XXYLT1: variants seen among roughly 807,000 people sequenced by gnomAD.
XXYLT1 encodes UDP-xylose:alpha-xyloside alpha-1,3-xylosyltransferase.
XXYLT1 carries 20 observed loss-of-function variants against 28.9 expected under a neutral mutation model. That is an observed-to-expected ratio of 0.69 (90% CI 0.49 to 1.00). The LOEUF (loss-of-function observed/expected upper bound fraction) is 1.00, where lower values mean the gene tolerates loss of function less well. XXYLT1 is among the 50% of genes least tolerant of loss of function. The pLI is 0.00. For missense variants in XXYLT1, 542 were observed against 560.1 expected, an observed-to-expected ratio of 0.97 and a Z score of 0.33; for synonymous variants, 257 against 253.8, an observed-to-expected ratio of 1.01 and a Z score of -0.12.
At chr3:195,258,155 G>A (rs1725547563) in intron 1 of XXYLT1, among the ~76,000 whole-genome samples, 1 of 152,190 alleles carries the variant, frequency 6.6e-6, no homozygotes, top group Non-Finnish European at 1.5e-5. Context: ...ATCCTGGGCT[G>A]CTGTGATGCT....
At chr3:195,238,142 G>C (rs531123079) in intron 1 of XXYLT1, among the ~76,000 whole-genome samples, 2 of 152,092 alleles carry the variant, frequency 1.3e-5, no homozygotes, top group Non-Finnish European at 2.9e-5. Flanking sequence ...TTCTGGCCCC[G>C]TCCCCCGACC....
At chr3:195,217,917 T>C (rs1354500629) in intron 2 of XXYLT1, among the ~76,000 whole-genome samples, 3 of 147,024 alleles carry the variant, frequency 2.0e-5, no homozygotes, top group Non-Finnish European at 4.5e-5. Context: ...CAAACTATAT[T>C]ACAAGGCTAC....
At chr3:195,207,342 G>A (rs2108773716) in intron 2 of XXYLT1, 1 of 385,232 alleles carries the variant, frequency 2.6e-6, no homozygotes, top group East Asian at 7.4e-5. Flanking sequence ...GAGGGCTCCA[G>A]GAAACAGCCA....
At chr3:195,089,322 G>C (rs1434701836) in intron 3 of XXYLT1, among the ~76,000 whole-genome samples, 1 of 152,162 alleles carries the variant, frequency 6.6e-6, no homozygotes, top group Non-Finnish European at 1.5e-5. Flanking sequence ...ACTAACAGTG[G>C]ATCTCTCGGC....
intron 3 of XXYLT1, among the ~76,000 whole-genome samples, chr3:195,087,840 C>T (rs1047670702): frequency 7.9e-5 from 12 of 151,916 alleles, no homozygotes; most frequent in East Asian, 1.9e-4. Flanking sequence ...GTGCGCGAGC[C>T]GAAGCAGGGC....
chr3:195,085,066 C>G lies in XXYLT1; in HGVS notation c.786-14955G>C, dbSNP rs188077294. 5.9e-5 allele frequency among the ~76,000 whole-genome samples: 9 copies of G among 152,324 alleles called. No homozygotes were observed. The Middle Eastern group carries it at 0.01, about 173-fold the overall frequency. On this transcript the variant is annotated intron_variant, in intron 3 of 3. Coordinates refer to ENST00000310380, the MANE Select transcript of XXYLT1 (RefSeq NM_152531.5). ...CGCAGAGTCTTCACGTGGACGTAAC[C>G]TTCTCCCAAGCAAGGATGACCCCCA... is the stretch of plus-strand genomic sequence containing the variant.
At chr3:195,072,500 G>A (rs1714882332) in intron 3 of XXYLT1, among the ~76,000 whole-genome samples, 1 of 152,198 alleles carries the variant, frequency 6.6e-6, no homozygotes, top group South Asian at 2.1e-4. Flanking sequence ...CAGGCAGAGA[G>A]AAGAGGACAG....
chr3:195,204,468 A>ACTCACTCTCTCTCTCTCT (rs1722985273), intron 2 of XXYLT1, among the ~76,000 whole-genome samples: 1 of 114,754 alleles, frequency 8.7e-6, no homozygotes, highest in African/African-American at 3.8e-5. Flanking sequence ...ACACACACTC[A>ACTCACTCTCTCTCTCTCT]CTCTCTCACT....
intron 3 of XXYLT1, among the ~76,000 whole-genome samples, chr3:195,084,818 G>A (rs1188763651): frequency 6.6e-6 from 1 of 152,150 alleles, no homozygotes; most frequent in African/African-American, 2.4e-5. Flanking sequence ...GAATCACACA[G>A]ACACCCTCAT....
chr3:195,090,123 CAG>C (rs1265444935), intron 3 of XXYLT1, among the ~76,000 whole-genome samples: 1 of 151,644 alleles, frequency 6.6e-6, no homozygotes, highest in Admixed American at 6.6e-5. Flanking sequence ...ATCAAGGAGA[CAG>C]AAAGTCAACA....
At chr3:195,144,188 C>T (rs1314112952) in intron 3 of XXYLT1, among the ~76,000 whole-genome samples, 1 of 150,496 alleles carries the variant, frequency 6.6e-6, no homozygotes, top group East Asian at 2.1e-4. Flanking sequence ...GCCACCGTGC[C>T]TGGCCAACCG....
intron 3 of XXYLT1, among the ~76,000 whole-genome samples, chr3:195,102,500 T>C (rs946766870): frequency 1.3e-5 from 2 of 152,184 alleles, no homozygotes; most frequent in African/African-American, 4.8e-5. Flanking sequence ...ATTCAGCTTT[T>C]CCTCTTTTTA....
chr3:195,082,026 G>A (rs1000998630), intron 3 of XXYLT1, among the ~76,000 whole-genome samples: 23 of 152,222 alleles, frequency 1.5e-4, no homozygotes, highest in African/African-American at 5.1e-4. Context: ...GATTGATGAT[G>A]TCTCTTTAAC....
chr3:195,077,619 G>T lies in XXYLT1; in HGVS notation c.786-7508C>A, dbSNP rs888942443. On this transcript the variant is annotated intron_variant, in intron 3 of 3. Transcript: ENST00000310380. This position sits in a 1 kb window ranked among gnomAD's most constrained non-coding sequence, Gnocchi z 4.8. ...CCAGCTATGACCAGCCCATCTCTGTGGGGCCCTGTAAAGCGCGGCCTGGGG... is the reference window on the plus strand; with the variant it reads ...CCAGCTATGACCAGCCCATCTCTGTTGGGCCCTGTAAAGCGCGGCCTGGGG... 1.3e-5 allele frequency among the ~76,000 whole-genome samples: 2 copies of T among 152,226 alleles called. No individual in the cohort carries two copies. Among genetic ancestry groups the T allele is most frequent in the African/African-American group, 2.4e-5 (1 of 41,466 alleles).
chr3:195,078,738 A>G lies in XXYLT1; in HGVS notation c.786-8627T>C, dbSNP rs1353222. On this transcript the variant is annotated intron_variant, in intron 3 of 3. Transcript: ENST00000310380. The surrounding 1 kb of genome is among the most constrained non-coding windows in gnomAD (Gnocchi z 5.0). ...CTCCCCAGTCCCCAGGGCTGCACACAGCCCCCCACACTTCCAGAGCTGTCC... is the reference window on the plus strand; with the variant it reads ...CTCCCCAGTCCCCAGGGCTGCACACGGCCCCCCACACTTCCAGAGCTGTCC... Among the ~76,000 whole-genome samples, 72,391 of 151,812 alleles carry G rather than the reference A, an allele frequency of 0.48. 20,733 individuals are homozygous for G. The highest frequency in any genetic ancestry group is 0.96 in the East Asian group (4,957 of 5,158).
chr3:195,253,493 CTTTTTTTTTCTTTTTTTTT>C (rs1553832615), intron 1 of XXYLT1, among the ~76,000 whole-genome samples: 1 of 143,976 alleles, frequency 6.9e-6, no homozygotes, highest in African/African-American at 2.6e-5. Flanking sequence ...GCTCACATTT[CTTTTTTTTTCTTTTTTTTT>C]TTTTTTTTTG....
Position 195,075,864 on chromosome 3 carries a change from C to T in XXYLT1, c.786-5753G>A, listed in dbSNP as rs542973444. Among the ~76,000 whole-genome samples, 67 of 152,334 alleles carry T rather than the reference C, an allele frequency of 4.4e-4. 1 individual carries two copies. The highest frequency in any genetic ancestry group is 1.2e-3 in the South Asian group (6 of 4,832). ...GGAAGGGGCAAGCGAGGTCGAGGCG[C>T]GGCTGTTGCTTTGCAGGCTGAGTGG... On this transcript the variant is annotated intron_variant, in intron 3 of 3. Transcript: ENST00000310380.
At chr3:195,237,897 T>C (rs1339600193) in intron 1 of XXYLT1, among the ~76,000 whole-genome samples, 3 of 152,116 alleles carry the variant, frequency 2.0e-5, no homozygotes, top group Non-Finnish European at 4.4e-5. Context: ...TCAAATTATG[T>C]TTCTCATTCC....
At chr3:195,186,059 T>G in intron 2 of XXYLT1, among the ~76,000 whole-genome samples, 1 of 152,178 alleles carries the variant, frequency 6.6e-6, no homozygotes, top group East Asian at 1.9e-4. Context: ...CCTAAGTGCC[T>G]GGACCGCCTC....
Sources: allele counts gnomAD v4.1 joint callset (sites outside exome capture counted in the v4.1 genomes callset), GRCh38; gene constraint gnomAD v4.1.1; non-coding constraint Gnocchi (gnomAD v3.1); transcripts MANE v1.5; gene names NCBI Gene and HGNC (gene_info 2026-07-23, HGNC 2026-07-21).